Variants in KIF1B observed in about 807,000 individuals in gnomAD.
KIF1B encodes the protein kinesin family member 1B.
Under a neutral mutation model 241.9 loss-of-function variants are expected in KIF1B, and 76 were observed. The observed-to-expected ratio is 0.31, with a 90% CI of 0.26 to 0.38. KIF1B has a LOEUF of 0.38. Among genes scored for constraint, KIF1B ranks in the 10% least tolerant of loss-of-function variants. The probability of loss-of-function intolerance (pLI) is 1.00; values close to 1 mark genes in which losing one functional copy is unlikely to be tolerated. For missense variants in KIF1B, 1,622 were observed against 2,271.4 expected (o/e 0.71, Z 5.81); for synonymous variants, 750 against 796.7 (o/e 0.94, Z 0.99).
chr1:10,350,019 G>A (rs1369106586), intron 37 of KIF1B, among the ~76,000 whole-genome samples: 2 of 152,256 alleles, frequency 1.3e-5, no homozygotes, highest in East Asian at 3.9e-4. Context: ...GTCCAGGCAC[G>A]GTGGCTCACG....
At chr1:10,351,120 C>T (rs1051882441) in intron 37 of KIF1B, among the ~76,000 whole-genome samples, 2 of 148,654 alleles carry the variant, frequency 1.3e-5, no homozygotes, top group Admixed American at 1.3e-4. Context: ...TATGTTCTCT[C>T]TTGTCTGGGG....
chr1:10,333,812 C>T (rs991394883), intron 27 of KIF1B, among the ~76,000 whole-genome samples: 2 of 151,874 alleles, frequency 1.3e-5, no homozygotes, highest in Non-Finnish European at 2.9e-5. Context: ...TCTGTTTTAT[C>T]TATTGGGAAA....
intron 22 of KIF1B, among the ~76,000 whole-genome samples, chr1:10,300,735 C>T (rs575043051): frequency 6.6e-6 from 1 of 152,276 alleles, no homozygotes; most frequent in South Asian, 2.1e-4. Context: ...AAAAAATCCT[C>T]TTCAGGAGTC....
chr1:10,322,128 A>G (rs1374773447), intron 24 of KIF1B, among the ~76,000 whole-genome samples: 2 of 152,238 alleles, frequency 1.3e-5, no homozygotes, highest in Non-Finnish European at 2.9e-5. Flanking sequence ...ACATAGTAAT[A>G]GAAAAATACT....
At chr1:10,227,332 C>T (rs1191983517) in intron 1 of KIF1B, among the ~76,000 whole-genome samples, 1 of 152,002 alleles carries the variant, frequency 6.6e-6, no homozygotes, top group Non-Finnish European at 1.5e-5. Context: ...CGTGCCTGGC[C>T]CACAAGCCCA....
chr1:10,245,939 A>G (rs1383911646), intron 2 of KIF1B, among the ~76,000 whole-genome samples: 2 of 152,132 alleles, frequency 1.3e-5, no homozygotes, highest in African/African-American at 4.8e-5. Context: ...TCCTTCGGTT[A>G]AAGTCCACCA....
At chr1:10,334,780 G>A (rs1217492209) in intron 28 of KIF1B, 142 bp downstream of exon 28, 1 of 716,870 alleles carries the variant, frequency 1.4e-6, no homozygotes, top group African/African-American at 1.8e-5. Context: ...ATACTTTGGA[G>A]AAAGCCTTTA....
At chr1:10,307,125 C>T in intron 22 of KIF1B, 2 of 1,030,864 alleles carry the variant, frequency 1.9e-6, no homozygotes, top group Non-Finnish European at 2.3e-6. Flanking sequence ...CACAGATGAC[C>T]AGGAAGAAAT....
intron 4 of KIF1B, among the ~76,000 whole-genome samples, chr1:10,260,823 C>T (rs926925343): frequency 8.0e-5 from 12 of 150,144 alleles, no homozygotes; most frequent in South Asian, 2.1e-4. Flanking sequence ...GCTGAGATCG[C>T]GCCATTGCAC....
At chr1:10,238,806 A>T (rs1449206891) in intron 2 of KIF1B, among the ~76,000 whole-genome samples, 1 of 152,224 alleles carries the variant, frequency 6.6e-6, no homozygotes, top group Non-Finnish European at 1.5e-5. Context: ...CTATAACCAC[A>T]TGAAAATAAA....
At chr1:10,295,573 A>G in intron 18 of KIF1B, 87 bp from the exon 19 acceptor site, 1 of 1,213,632 alleles carries the variant, frequency 8.2e-7, no homozygotes. Flanking sequence ...TACGTACCAA[A>G]GGATATTCTT....
chr1:10,351,074 A>C (rs867082238), intron 37 of KIF1B, among the ~76,000 whole-genome samples: 9 of 36,678 alleles, frequency 2.5e-4, no homozygotes, highest in African/African-American at 1.2e-3. Flanking sequence ...AGACCCTGTC[A>C]AAAAAAAAAA....
chr1:10,334,135 G>C (rs1652069175), intron 27 of KIF1B, among the ~76,000 whole-genome samples: 1 of 135,120 alleles, frequency 7.4e-6, no homozygotes. Flanking sequence ...TGGCGACAGA[G>C]CGAGACTCTG....
chr1:10,306,780 A>AC, intron 22 of KIF1B: 1 of 1,007,468 alleles, frequency 9.9e-7, no homozygotes, highest in Non-Finnish European at 1.2e-6. Flanking sequence ...AAAAAAAAAA[A>AC]AAAAGGTAAT....
At position 10,380,018 on chromosome 1, in the gene KIF1B, G is replaced by A; in HGVS notation, c.*3431G>A. 2 of 229,376 alleles carry A rather than the reference G, an allele frequency of 8.7e-6. No homozygotes were observed. Among genetic ancestry groups the A allele is most frequent in the African/African-American group, 4.4e-5 (2 of 45,198 alleles). The allele number at this position is 229,376 out of a possible 1,614,324, so 14.2% of individuals were successfully genotyped here. On this transcript the variant is annotated 3_prime_UTR_variant, in exon 49 of 49. Transcript: ENST00000676179. ...TATATTTTTTCCCTTCAGTCACATA[G>A]ACTTCAGACAACTCTCCTATTTTTT... is the stretch of plus-strand genomic sequence containing the variant.
At chr1:10,356,239 G>A (rs570674040) in intron 38 of KIF1B, among the ~76,000 whole-genome samples, 4 of 152,026 alleles carry the variant, frequency 2.6e-5, no homozygotes, top group South Asian at 4.2e-4. Flanking sequence ...GATGGTGGGC[G>A]CCTGTAATCC....
At chr1:10,233,122 A>G (rs1647003818) in intron 2 of KIF1B, among the ~76,000 whole-genome samples, 1 of 152,216 alleles carries the variant, frequency 6.6e-6, no homozygotes, top group African/African-American at 2.4e-5. Flanking sequence ...TGAAGTACAC[A>G]TTCTAACCTC....
intron 3 of KIF1B, among the ~76,000 whole-genome samples, chr1:10,257,248 A>G (rs1479710325): frequency 4.0e-5 from 6 of 149,326 alleles, no homozygotes; most frequent in African/African-American, 1.2e-4. Context: ...TTTTAATTGT[A>G]GTAGAGCAAT....
At position 10,252,928 on chromosome 1, in the gene KIF1B, TTG is replaced by T. The variant is rs1358809375; in HGVS notation, c.107-3318_107-3317del. Among the ~76,000 whole-genome samples the T allele has an allele frequency of 9.2e-5, 14 of 152,184 alleles. 1 individual carries two copies. In the East Asian group the frequency reaches 2.5e-3, roughly 27 times the overall value. ...TTAACAGAGATGGGGTTTCACCATG[TTG>T]GACAGGCTGGTCTGCAACTCCTGAC... On this transcript the variant is annotated intron_variant, in intron 2 of 48. Coordinates refer to ENST00000676179, the MANE Select transcript of KIF1B (RefSeq NM_001365951.3).
Sources: allele counts gnomAD v4.1 joint callset (sites outside exome capture counted in the v4.1 genomes callset), GRCh38; gene constraint gnomAD v4.1.1; transcripts MANE v1.5; gene names NCBI Gene and HGNC (gene_info 2026-07-23, HGNC 2026-07-21).